The following TRERF1 variants were observed in gnomAD, a reference collection of about 807,000 sequenced individuals.
The protein encoded by TRERF1 is transcriptional regulating factor 1.
In TRERF1, 27 loss-of-function variants were observed where a neutral mutation model predicts 122.9. The observed-to-expected ratio is 0.22, with a 90% CI of 0.16 to 0.30. The LOEUF is 0.30. Among genes scored for constraint, TRERF1 ranks in the 10% least tolerant of loss-of-function variants. TRERF1 has a pLI of 1.00. For synonymous variants in TRERF1, 636 were observed against 641.7 expected (o/e 0.99, Z 0.13); for missense variants, 1,248 against 1,560.3 (o/e 0.80, Z 3.37).
intron 3 of TRERF1, among the ~76,000 whole-genome samples, chr6:42,355,234 T>C (rs892986321): frequency 6.6e-6 from 1 of 152,192 alleles, no homozygotes; most frequent in African/African-American, 2.4e-5. Context: ...TAAAGATTGG[T>C]CACTTTATAT....
intron 4 of TRERF1, among the ~76,000 whole-genome samples, chr6:42,280,935 T>A (rs1782196046): frequency 6.6e-6 from 1 of 152,220 alleles, no homozygotes; most frequent in South Asian, 2.1e-4. Context: ...TTCAGTGTTA[T>A]GGAATAAAGT....
chr6:42,257,578 G>T (rs2149759197), intron 10 of TRERF1, among the ~76,000 whole-genome samples: 1 of 152,282 alleles, frequency 6.6e-6, no homozygotes, highest in South Asian at 2.1e-4. Flanking sequence ...ACCCTACAAA[G>T]GTTAACTGGA....
chr6:42,357,428 C>G (rs1341796601), intron 3 of TRERF1, among the ~76,000 whole-genome samples: 1 of 151,286 alleles, frequency 6.6e-6, no homozygotes, highest in Non-Finnish European at 1.5e-5. Flanking sequence ...TAGAAGGACT[C>G]AAACGGTAAC....
intron 2 of TRERF1, among the ~76,000 whole-genome samples, chr6:42,368,567 C>T (rs995572213): frequency 3.3e-5 from 5 of 152,176 alleles, no homozygotes; most frequent in African/African-American, 9.7e-5. Context: ...TTGGAACTTA[C>T]GGTATACACA....
At chr6:42,441,146 T>G (rs1330150710) in intron 2 of TRERF1, among the ~76,000 whole-genome samples, 8 of 152,046 alleles carry the variant, frequency 5.3e-5, no homozygotes, top group Non-Finnish European at 2.9e-5. Flanking sequence ...ATCCCAACCC[T>G]GGAGCACAAT....
chr6:42,290,042 G>A (rs66591005), intron 4 of TRERF1, among the ~76,000 whole-genome samples: 4,157 of 152,286 alleles, frequency 0.027, 57 homozygotes, highest in Non-Finnish European at 0.037. Flanking sequence ...CAGCTGGACC[G>A]AGGTTCCAAG....
chr6:42,290,717 T>C (rs1018371845), intron 4 of TRERF1, among the ~76,000 whole-genome samples: 2 of 150,932 alleles, frequency 1.3e-5, no homozygotes, highest in African/African-American at 4.9e-5. Flanking sequence ...AGAAAATTAA[T>C]TTATCCTTTT....
chr6:42,414,430 A>G (rs771205286), intron 2 of TRERF1, among the ~76,000 whole-genome samples: 31 of 152,226 alleles, frequency 2.0e-4, no homozygotes, highest in Non-Finnish European at 4.1e-4. Context: ...TGTCAAAAAC[A>G]TGATATCGTT....
At chr6:42,267,588 C>T (rs147983254) in intron 5 of TRERF1, among the ~76,000 whole-genome samples, 2,089 of 152,020 alleles carry the variant, frequency 0.014, 44 homozygotes, top group African/African-American at 0.047. Context: ...GCCGAGATGG[C>T]GCCATTGCAC....
At chr6:42,338,235 A>G (rs1766582803) in intron 3 of TRERF1, among the ~76,000 whole-genome samples, 1 of 152,142 alleles carries the variant, frequency 6.6e-6, no homozygotes, top group South Asian at 2.1e-4. Flanking sequence ...ACCATGGGGA[A>G]AGGAGGGTCA....
chr6:42,254,862 TA>T lies in TRERF1; in HGVS notation c.2644del (p.Tyr882ThrfsTer12). 6.2e-7 allele frequency: 1 copy of T among 1,614,184 alleles called. No individual in the cohort carries two copies. The highest frequency in any genetic ancestry group is 8.5e-7 in the Non-Finnish European group (1 of 1,180,024). On this transcript the variant is annotated frameshift_variant, in exon 13 of 18. Transcript: ENST00000372922. LOFTEE classifies it high-confidence loss of function. ...TCCTGGCAACCTACCGGCATAGTGGTAATTTGCTAAAGGATGACATTTTAAC... is the reference window on the plus strand; with the variant it reads ...TCCTGGCAACCTACCGGCATAGTGGTATTTGCTAAAGGATGACATTTTAAC...
intron 16 of TRERF1, among the ~76,000 whole-genome samples, chr6:42,233,354 C>CT (rs199591038): frequency 0.011 from 1,680 of 147,466 alleles, 33 homozygotes; most frequent in African/African-American, 0.04. Context: ...GGTGCGGTCT[C>CT]AGCTCACTGC....
chr6:42,356,241 A>T (rs1276843456), intron 3 of TRERF1, among the ~76,000 whole-genome samples: 3 of 152,246 alleles, frequency 2.0e-5, no homozygotes, highest in African/African-American at 4.8e-5. Context: ...TAAAGACTCA[A>T]GAGTTGTTTC....
chr6:42,244,403 C>T (rs1243730522), intron 14 of TRERF1, among the ~76,000 whole-genome samples: 3 of 152,112 alleles, frequency 2.0e-5, no homozygotes, highest in African/African-American at 7.2e-5. Context: ...AGGCTGGTCT[C>T]GAACTCCCGA....
At chr6:42,277,333 C>T (rs757183953) in intron 4 of TRERF1, among the ~76,000 whole-genome samples, 21 of 152,194 alleles carry the variant, frequency 1.4e-4, no homozygotes, top group Non-Finnish European at 2.9e-4. Flanking sequence ...TCCTGTGTGG[C>T]TTGAGTCTCA....
chr6:42,396,300 C>A (rs1029599369), intron 2 of TRERF1, among the ~76,000 whole-genome samples: 1 of 152,078 alleles, frequency 6.6e-6, no homozygotes, highest in Non-Finnish European at 1.5e-5. Flanking sequence ...TTGCTCCGAC[C>A]GACTGAAACA....
intron 5 of TRERF1, among the ~76,000 whole-genome samples, chr6:42,266,341 A>G (rs1779184402): frequency 6.6e-6 from 1 of 152,016 alleles, no homozygotes; most frequent in Admixed American, 6.6e-5. Flanking sequence ...GGTGTGCGCC[A>G]CAACACCCAG....
chr6:42,380,663 GCCC>G (rs1421129094), intron 2 of TRERF1, among the ~76,000 whole-genome samples: 2 of 152,292 alleles, frequency 1.3e-5, no homozygotes, highest in East Asian at 3.9e-4. Flanking sequence ...CCCACCGCCT[GCCC>G]CACCTTATAG....
At chr6:42,412,775 A>C (rs1781295284) in intron 2 of TRERF1, among the ~76,000 whole-genome samples, 1 of 152,108 alleles carries the variant, frequency 6.6e-6, no homozygotes, top group Non-Finnish European at 1.5e-5. Context: ...AAACAAAAAA[A>C]AATTAATTAA....
Sources: allele counts gnomAD v4.1 joint callset (sites outside exome capture counted in the v4.1 genomes callset), GRCh38; gene constraint gnomAD v4.1.1; transcripts MANE v1.5; gene names NCBI Gene and HGNC (gene_info 2026-07-23, HGNC 2026-07-21).